The following OSBPL9 variants were observed in gnomAD, a reference collection of about 807,000 sequenced individuals.
The protein encoded by OSBPL9 is oxysterol-binding protein-related protein 9.
A neutral mutation model predicts 106.6 loss-of-function variants in OSBPL9; 40 were observed. The ratio of observed to expected loss-of-function variants is 0.38; its 90% CI spans 0.29 to 0.49. OSBPL9 has a LOEUF of 0.49. OSBPL9 is among the 20% of genes least tolerant of loss of function. OSBPL9 has a pLI of 0.97. For missense variants in OSBPL9, 609 were observed against 887.2 expected, an observed-to-expected ratio of 0.69 and a Z score of 3.98; for synonymous variants, 269 against 295.4, an observed-to-expected ratio of 0.91 and a Z score of 0.92.
chr1:51,617,764 T>C (rs1446392479), intron 1 of OSBPL9, among the ~76,000 whole-genome samples: 4 of 152,098 alleles, frequency 2.6e-5, no homozygotes, highest in Non-Finnish European at 5.9e-5. Flanking sequence ...CGGTTCAGGT[T>C]GTGTGTCTCA....
intron 1 of OSBPL9, among the ~76,000 whole-genome samples, chr1:51,638,305 C>T (rs1017228361): frequency 1.3e-5 from 2 of 152,156 alleles, no homozygotes; most frequent in Non-Finnish European, 2.9e-5. Flanking sequence ...GAGTCTGTGA[C>T]TACTCAAGAG....
intron 1 of OSBPL9, among the ~76,000 whole-genome samples, chr1:51,642,383 TAATTA>T (rs1440504259): frequency 6.6e-6 from 1 of 152,130 alleles, no homozygotes; most frequent in African/African-American, 2.4e-5. Context: ...GGCAGGCTCT[TAATTA>T]TTTATCTTTG....
intron 2 of OSBPL9, among the ~76,000 whole-genome samples, chr1:51,666,139 C>T (rs1402725353): frequency 6.6e-6 from 1 of 152,180 alleles, no homozygotes; most frequent in Non-Finnish European, 1.5e-5. Flanking sequence ...TGAGCCGCCG[C>T]ACCCGGCCTC....
At chr1:51,768,363 A>G (rs1316194340) in intron 12 of OSBPL9, among the ~76,000 whole-genome samples, 1 of 151,788 alleles carries the variant, frequency 6.6e-6, no homozygotes. Context: ...ACAGGTGCCC[A>G]CCACCATGCC....
intron 20 of OSBPL9, chr1:51,785,409 C>T (rs532755954): frequency 5.6e-6 from 1 of 177,378 alleles, no homozygotes; most frequent in East Asian, 1.8e-4. Flanking sequence ...TGAAAGCCTG[C>T]ATTATATTCT....
chr1:51,573,060 A>C (rs944705379), upstream of OSBPL9, among the ~76,000 whole-genome samples: 7 of 152,058 alleles, frequency 4.6e-5, no homozygotes, highest in African/African-American at 1.4e-4. Flanking sequence ...AAAAATACAA[A>C]AATTAGCTGG....
chr1:51,757,470 A>ATT (rs1239528143), intron 9 of OSBPL9, among the ~76,000 whole-genome samples: 30 of 151,932 alleles, frequency 2.0e-4, no homozygotes, highest in Admixed American at 3.3e-4. Context: ...AAGGAAAACC[A>ATT]TGTTGGCTGT....
chr1:51,669,774 A>T, intron 3 of OSBPL9: 1 of 583,848 alleles, frequency 1.7e-6, no homozygotes, highest in African/African-American at 1.8e-5. Context: ...GAAGGGAGAG[A>T]GTAATGGGCT....
chr1:51,654,730 T>G (rs1412072840), intron 2 of OSBPL9, among the ~76,000 whole-genome samples: 1 of 152,250 alleles, frequency 6.6e-6, no homozygotes, highest in Middle Eastern at 3.4e-3. Flanking sequence ...TTATTATTAT[T>G]CAGTCTTATA....
At chr1:51,774,314 T>A (rs936892328) in intron 14 of OSBPL9, among the ~76,000 whole-genome samples, 2 of 152,196 alleles carry the variant, frequency 1.3e-5, no homozygotes, top group African/African-American at 2.4e-5. Context: ...TAAAAGCTTG[T>A]TATATTATAA....
chr1:51,781,400 G>T, intron 16 of OSBPL9, 65 bp downstream of exon 16: 1 of 1,450,508 alleles, frequency 6.9e-7, no homozygotes, highest in Non-Finnish European at 9.5e-7. Context: ...TTTATTTAGG[G>T]GCAAATAATA....
Position 51,784,564 on chromosome 1 carries a change from G to A in OSBPL9, c.1811G>A (p.Arg604Lys). 1 of 1,614,050 alleles carries A rather than the reference G, an allele frequency of 6.2e-7. No homozygotes were observed. Among genetic ancestry groups the A allele is most frequent in the Non-Finnish European group, 8.5e-7 (1 of 1,179,944 alleles). The part of the protein sequence containing the change: ...TKPFYGGKKH[R>K]ITAEIFSPND... ...CCCTTCTATGGGGGCAAGAAGCACA[G>A]AATTACTGCCGAGATTTTGTAGGTA... The change falls in exon 20 of 24, where the codon AGA becomes AAA. Residue 604 changes from arginine (R) to lysine (K), a missense_variant. Arg to Lys is a conservative substitution (Grantham distance 26). Transcript: ENST00000428468.
chr1:51,536,683 T>C, the OSBPL9 span, among the ~76,000 whole-genome samples: 4 of 152,156 alleles, frequency 2.6e-5, no homozygotes, highest in African/African-American at 9.7e-5. Context: ...TTATTCACGA[T>C]ATTCACATTT....
the OSBPL9 span, chr1:51,519,348 C>T: frequency 0.022 from 7,973 of 366,102 alleles, 254 homozygotes; most frequent in East Asian, 0.059. Flanking sequence ...GGCGTCTCCC[C>T]TAACTTCCAC....
intron 3 of OSBPL9, among the ~76,000 whole-genome samples, chr1:51,680,658 C>A (rs1486528378): frequency 1.3e-5 from 2 of 150,694 alleles, no homozygotes; most frequent in Non-Finnish European, 3.0e-5. Context: ...GAGACCCTGT[C>A]TCAAAAAAAA....
At chr1:51,717,890 C>T (rs542548413) in intron 4 of OSBPL9, among the ~76,000 whole-genome samples, 3 of 152,184 alleles carry the variant, frequency 2.0e-5, no homozygotes, top group East Asian at 3.9e-4. Context: ...AATCAATATA[C>T]GGAAGAGATA....
intron 1 of OSBPL9, among the ~76,000 whole-genome samples, chr1:51,580,347 A>G (rs567839904): frequency 1.3e-5 from 2 of 152,368 alleles, no homozygotes; most frequent in East Asian, 3.8e-4. Context: ...CTGTGCAGAT[A>G]GTAGGTGCTC....
At chr1:51,733,056 T>C (rs1463072261) in intron 4 of OSBPL9, among the ~76,000 whole-genome samples, 1 of 152,238 alleles carries the variant, frequency 6.6e-6, no homozygotes, top group Non-Finnish European at 1.5e-5. Flanking sequence ...ACAGCTCCTG[T>C]GTTAACCTTT....
intron 9 of OSBPL9, among the ~76,000 whole-genome samples, chr1:51,758,701 A>G (rs2149056528): frequency 1.3e-5 from 2 of 152,306 alleles, no homozygotes; most frequent in South Asian, 4.1e-4. Flanking sequence ...CTTGTTCCAA[A>G]GTTATTTTAT....
Sources: gnomAD v4.1 joint callset for allele counts (sites outside exome capture counted in the v4.1 genomes callset) on GRCh38, gnomAD v4.1.1 for gene constraint, MANE v1.5 for transcripts, NCBI Gene and HGNC (gene_info 2026-07-23, HGNC 2026-07-21) for gene names.